The following SYN3 variants were observed in gnomAD, a reference collection of about 807,000 sequenced individuals.
SYN3 encodes the protein synapsin-3.
A neutral mutation model predicts 65.8 loss-of-function variants in SYN3; 35 were observed. That is an observed-to-expected ratio of 0.53 (90% CI 0.41 to 0.70). The LOEUF (loss-of-function observed/expected upper bound fraction) is 0.70, where lower values mean the gene tolerates loss of function less well. Among genes scored for constraint, SYN3 ranks in the 30% least tolerant of loss-of-function variants. The probability of loss-of-function intolerance (pLI) is 0.00; values close to 1 mark genes in which losing one functional copy is unlikely to be tolerated. For missense variants in SYN3, 680 were observed against 749.0 expected, an observed-to-expected ratio of 0.91 and a Z score of 1.08; for synonymous variants, 270 against 292.9, an observed-to-expected ratio of 0.92 and a Z score of 0.80.
chr22:33,047,155 AC>A (rs1346327503), intron 1 of SYN3, among the ~76,000 whole-genome samples: 3 of 152,022 alleles, frequency 2.0e-5, no homozygotes, highest in African/African-American at 7.3e-5. Context: ...TCTTCATGGC[AC>A]TCATTACTAA....
At chr22:32,639,098 C>T (rs779212869) in intron 6 of SYN3, among the ~76,000 whole-genome samples, 29 of 152,208 alleles carry the variant, frequency 1.9e-4, no homozygotes, top group Non-Finnish European at 2.5e-4. Context: ...GGACTACAGG[C>T]GCCCGCCACC....
At chr22:32,722,949 A>C (rs905365795) in intron 6 of SYN3, among the ~76,000 whole-genome samples, 1 of 152,198 alleles carries the variant, frequency 6.6e-6, no homozygotes, top group Non-Finnish European at 1.5e-5. Flanking sequence ...CTTCTTCATA[A>C]ATAATCTTCA....
Position 33,023,240 on chromosome 22 carries a change from T to C in SYN3, c.-162-16416A>G, listed in dbSNP as rs370556818. On this transcript the variant is annotated intron_variant, in intron 1 of 13. Coordinates refer to ENST00000358763, the MANE Select transcript of SYN3 (RefSeq NM_003490.4). ...CTTACTTGAACTGTGAAAATCCCCA[T>C]GTGTCATGGGAGGGACCCAGTGGGA... 2.9e-4 allele frequency among the ~76,000 whole-genome samples: 44 copies of C among 152,294 alleles called. 2 individuals carry two copies. The South Asian group carries it at 9.1e-3, about 32-fold the overall frequency.
At chr22:32,847,806 C>T (rs2048111513) in intron 6 of SYN3, among the ~76,000 whole-genome samples, 3 of 152,174 alleles carry the variant, frequency 2.0e-5, no homozygotes, top group Admixed American at 1.3e-4. Flanking sequence ...TTGATAGGAT[C>T]TCAGGGCTGA....
At chr22:32,542,744 G>A (rs2058278555) in intron 7 of SYN3, among the ~76,000 whole-genome samples, 1 of 151,894 alleles carries the variant, frequency 6.6e-6, no homozygotes, top group Non-Finnish European at 1.5e-5. Context: ...ACTGAGCCAG[G>A]AACACAGAGA....
chr22:32,611,042 G>A (rs1465441727), intron 6 of SYN3, among the ~76,000 whole-genome samples: 1 of 152,176 alleles, frequency 6.6e-6, no homozygotes, highest in Non-Finnish European at 1.5e-5. Context: ...GAAGACAAAT[G>A]AATGTCTAGG....
At chr22:32,585,822 G>T (rs763227604) in intron 7 of SYN3, among the ~76,000 whole-genome samples, 26 of 151,638 alleles carry the variant, frequency 1.7e-4, no homozygotes, top group Non-Finnish European at 2.9e-4. Flanking sequence ...CAAATTTAAG[G>T]ACTCTTTACA....
At chr22:32,738,415 T>C (rs2061360966) in intron 6 of SYN3, among the ~76,000 whole-genome samples, 1 of 152,194 alleles carries the variant, frequency 6.6e-6, no homozygotes, top group South Asian at 2.1e-4. Context: ...AAAAAGAAAT[T>C]GACAGGTGGG....
intron 4 of SYN3, among the ~76,000 whole-genome samples, chr22:32,911,861 C>T (rs2050060527): frequency 6.6e-6 from 1 of 152,134 alleles, no homozygotes; most frequent in Non-Finnish European, 1.5e-5. Flanking sequence ...AGCAGAGGCC[C>T]AACACCCACT....
intron 3 of SYN3, among the ~76,000 whole-genome samples, chr22:32,935,308 T>TCACA (rs990872543): frequency 2.5e-4 from 38 of 149,212 alleles, no homozygotes; most frequent in African/African-American, 8.9e-4. Flanking sequence ...TCTCTCTCTC[T>TCACA]CACACACACA....
intron 9 of SYN3, 50 bp from the exon 10 acceptor site, chr22:32,533,945 G>T: frequency 7.6e-7 from 1 of 1,319,818 alleles, no homozygotes; most frequent in Non-Finnish European, 1.1e-6. Flanking sequence ...AAGTGGGGAA[G>T]CGGGTAGAGG....
At chr22:32,537,410 C>T (rs750341220) in intron 9 of SYN3, among the ~76,000 whole-genome samples, 1 of 152,116 alleles carries the variant, frequency 6.6e-6, no homozygotes, top group Non-Finnish European at 1.5e-5. Context: ...CTGCCCGCCT[C>T]GGCCTCCCAA....
At chr22:32,900,121 G>A (rs137524) in intron 4 of SYN3, among the ~76,000 whole-genome samples, 146,700 of 149,212 alleles carry the variant, frequency 0.98, 72,269 homozygotes, top group East Asian at 1. Context: ...TATACTTCTG[G>A]GGCCTTTATT....
intron 6 of SYN3, among the ~76,000 whole-genome samples, chr22:32,856,710 G>C (rs1323957933): frequency 6.6e-6 from 1 of 152,170 alleles, no homozygotes; most frequent in Non-Finnish European, 1.5e-5. Context: ...TATACAATAA[G>C]TTATTGTTTA....
intron 6 of SYN3, among the ~76,000 whole-genome samples, chr22:32,677,288 G>A (rs1303682186): frequency 1.4e-5 from 2 of 140,568 alleles, no homozygotes; most frequent in African/African-American, 5.8e-5. Flanking sequence ...TCCAGCTTTC[G>A]AGGAGTGTGC....
chr22:33,051,606 G>GA (rs2054168034), intron 1 of SYN3, among the ~76,000 whole-genome samples: 3 of 151,852 alleles, frequency 2.0e-5, no homozygotes, highest in Admixed American at 1.3e-4. Flanking sequence ...AATACAAAAA[G>GA]AATTCCTCTC....
chr22:32,673,477 AAAC>A (rs1383642070), intron 6 of SYN3, among the ~76,000 whole-genome samples: 1 of 152,196 alleles, frequency 6.6e-6, no homozygotes, highest in Non-Finnish European at 1.5e-5. Context: ...CAGGCACAAT[AAAC>A]AAAAGATTTC....
At chr22:32,871,339 C>T (rs943655250) in intron 4 of SYN3, among the ~76,000 whole-genome samples, 1 of 152,228 alleles carries the variant, frequency 6.6e-6, no homozygotes, top group African/African-American at 2.4e-5. Context: ...GGTGCTCTCT[C>T]TCCAGGGCTT....
At chr22:32,713,619 A>G (rs1456803682) in intron 6 of SYN3, among the ~76,000 whole-genome samples, 1 of 152,198 alleles carries the variant, frequency 6.6e-6, no homozygotes, top group Non-Finnish European at 1.5e-5. Flanking sequence ...TCACAAGGTC[A>G]GGAGATCGAG....
Sources: allele counts gnomAD v4.1 joint callset (sites outside exome capture counted in the v4.1 genomes callset), GRCh38; gene constraint gnomAD v4.1.1; transcripts MANE v1.5; gene names NCBI Gene and HGNC (gene_info 2026-07-23, HGNC 2026-07-21).